The following ETNK2 variants were observed in gnomAD, a reference collection of about 807,000 sequenced individuals.
ETNK2 encodes the protein ethanolamine kinase-like protein.
In ETNK2, 33 loss-of-function variants were observed where a neutral mutation model predicts 46.2. The ratio of observed to expected loss-of-function variants is 0.71; its 90% confidence interval spans 0.54 to 0.96. The LOEUF (loss-of-function observed/expected upper bound fraction) is 0.96, where lower values mean the gene tolerates loss of function less well. Among genes scored for constraint, ETNK2 ranks in the 40% least tolerant of loss-of-function variants. The probability of loss-of-function intolerance (pLI) is 0.00; values close to 1 mark genes in which losing one functional copy is unlikely to be tolerated. For missense variants in ETNK2, 445 were observed against 509.7 expected (o/e 0.87, Z 1.22); for synonymous variants, 194 against 209.0 (o/e 0.93, Z 0.62).
chr1:204,150,766 C>T (rs561528235), intron 1 of ETNK2, among the ~76,000 whole-genome samples: 41 of 152,272 alleles, frequency 2.7e-4, no homozygotes, highest in Middle Eastern at 3.4e-3. Flanking sequence ...ATTTTGAAAA[C>T]GCTACTCCAT....
At chr1:204,142,821 C>T (rs1657611105) in intron 3 of ETNK2, 1 of 152,176 alleles carries the variant, frequency 6.6e-6, no homozygotes, top group Non-Finnish European at 1.5e-5. Flanking sequence ...GACAGGGTCC[C>T]TTCCAGGCTT....
Position 204,146,642 on chromosome 1 carries a change from C to T in ETNK2, c.641G>A (p.Ser214Asn). 6.2e-7 allele frequency: 1 copy of T among 1,613,826 alleles called. No homozygotes were observed. Among genetic ancestry groups the T allele is most frequent in the Non-Finnish European group, 8.5e-7 (1 of 1,179,872 alleles). ...FTLVKNEINPSLSADVPKVEV... is the reference protein window; with the variant it reads ...FTLVKNEINPNLSADVPKVEV... ...CTTGGACCCTCCCAGATCTTTGTACCTGGGGTTGATCTCGTTCTTCACAAG... is the reference window on the plus strand; with the variant it reads ...CTTGGACCCTCCCAGATCTTTGTACTTGGGGTTGATCTCGTTCTTCACAAG... Residue 214 changes from serine to asparagine, a missense_variant and splice_region_variant, in exon 3 of 8, where the codon AGC (serine) becomes AAC (asparagine). Transcript: ENST00000367202.
Position 204,151,713 on chromosome 1 carries a change from C to G in ETNK2, c.140G>C (p.Arg47Thr), listed in dbSNP as rs749741774. The G allele has an allele frequency of 2.6e-6, 4 of 1,542,918 alleles. No individual in the cohort carries two copies. Residue 47 changes from arginine to threonine, a missense_variant, in exon 1 of 8, where the codon AGG (arginine) becomes ACG (threonine). By Grantham distance (71) the Arg-to-Thr change is moderately conservative. Transcript: ENST00000367202. The surrounding 1 kb of genome is among the most constrained non-coding windows in gnomAD (Gnocchi z 8.0). ...GCCGAAGTACGCGACGGCGGCGGCCCTCGGGGGGCCCGGCGGCTCCCGGCA... is the reference window on the plus strand; with the variant it reads ...GCCGAAGTACGCGACGGCGGCGGCCGTCGGGGGGCCCGGCGGCTCCCGGCA... The part of the protein sequence containing the change: ...ASCREPPGPP[R>T]AAAVAYFGIS...
At position 204,131,238 on chromosome 1, in the gene ETNK2, C is replaced by T. The variant is rs1365255117; in HGVS notation, c.*946G>A. 6.6e-6 allele frequency: 1 copy of T among 152,458 alleles called. No homozygotes were observed. Among genetic ancestry groups the T allele is most frequent in the Non-Finnish European group, 1.5e-5 (1 of 68,160 alleles). 9.4% of individuals were successfully genotyped at this position (152,458 alleles called of 1,614,324 possible). On this transcript the variant is annotated 3_prime_UTR_variant, in exon 8 of 8. Coordinates refer to ENST00000367202, the MANE Select transcript of ETNK2 (RefSeq NM_018208.4). This position sits in a 1 kb window ranked among gnomAD's most constrained non-coding sequence, Gnocchi z 4.3. The stretch of plus-strand genomic sequence containing the variant: ...CCTTTCTGATGGGATCCTGCCCAGG[C>T]TCTCCCACGATAGGCCCTGGGGGGC...
In ETNK2 at chr1:204,141,330, A is replaced by G; in HGVS notation, c.769T>C (p.Tyr257His). Residue 257 changes from tyrosine to histidine, a missense_variant, in exon 4 of 8, where the codon TAT becomes CAT. Coordinates refer to ENST00000367202, the MANE Select transcript of ETNK2 (RefSeq NM_018208.4). ...HNDLLCKNII[Y>H]DSIKGHVRFI... ...GAAGCCATACCTTTGATGCTGTCAT[A>G]GATGATATTCTTGCAGAGCAGGTCA... 6.2e-7 allele frequency: 1 copy of G among 1,614,054 alleles called. No homozygotes were observed. The highest frequency in any genetic ancestry group is 8.5e-7 in the Non-Finnish European group (1 of 1,179,898).
At chr1:204,141,929 A>G (rs1438238580) in intron 3 of ETNK2, 1 of 160,634 alleles carries the variant, frequency 6.2e-6, no homozygotes, top group Non-Finnish European at 1.4e-5. Context: ...CCCTAAGTCG[A>G]GCTGACTCCC....
chr1:204,142,117 C>T (rs1657574318), intron 3 of ETNK2: 1 of 152,696 alleles, frequency 6.5e-6, no homozygotes, highest in Non-Finnish European at 1.5e-5. Flanking sequence ...ATCTCACAAA[C>T]AGACCATCGG....
rs746465912 is a variant in ETNK2, at chr1:204,141,435, C to T, written c.664G>A (p.Val222Ile). The T allele has an allele frequency of 3.2e-5, 51 of 1,602,464 alleles. No homozygotes were observed. Among genetic ancestry groups the T allele is most frequent in the Admixed American group, 7.0e-5 (4 of 57,366 alleles). ...NPSLSADVPKVEVLERELAWL... is the reference protein window; with the variant it reads ...NPSLSADVPKIEVLERELAWL... ...GCCAGCTCCCGTTCCAACACCTCTA[C>T]CTTAGGGACATCTGCAGAAAGGCTG... is the stretch of plus-strand genomic sequence containing the variant. Residue 222 changes from valine (V) to isoleucine (I), a missense_variant, in exon 4 of 8, where the codon GTA becomes ATA. Val to Ile is a conservative substitution (Grantham distance 29, BLOSUM62 3). Transcript: ENST00000367202.
intron 6 of ETNK2, among the ~76,000 whole-genome samples, chr1:204,134,958 G>T (rs1214150152): frequency 6.6e-6 from 1 of 152,252 alleles, no homozygotes; most frequent in South Asian, 2.1e-4. Context: ...CAAGGCCAAG[G>T]TAGGATCCAG....
At chr1:204,141,797 G>C (rs1020418999) in intron 3 of ETNK2, 2 of 267,932 alleles carry the variant, frequency 7.5e-6, no homozygotes, top group African/African-American at 4.4e-5. Flanking sequence ...AGGCAGGTGA[G>C]AACGAGTGTC....
At position 204,131,968 on chromosome 1, in the gene ETNK2, C is replaced by A; in HGVS notation, c.*216G>T. The A allele has an allele frequency of 1.1e-5, 6 of 570,206 alleles. No individual in the cohort carries two copies. Among genetic ancestry groups the A allele is most frequent in the South Asian group, 4.3e-5 (2 of 46,604 alleles). The allele number at this position is 570,206 out of a possible 1,614,324, so 35.3% of individuals were successfully genotyped here. ...CCCAAGCCTGGTGGGGTGAAGGGGA[C>A]CCCCGGAAGGGGGTCCTATCAGCCC... On this transcript the variant is annotated 3_prime_UTR_variant, in exon 8 of 8. Coordinates refer to ENST00000367202, the MANE Select transcript of ETNK2 (RefSeq NM_018208.4). The surrounding 1 kb of genome is among the most constrained non-coding windows in gnomAD (Gnocchi z 4.3).
intron 6 of ETNK2, among the ~76,000 whole-genome samples, chr1:204,136,335 G>A (rs1285085068): frequency 6.6e-6 from 1 of 151,686 alleles, no homozygotes; most frequent in Admixed American, 6.6e-5. Context: ...GTTTCAGGCT[G>A]CAGTGAGCTA....
Position 204,151,364 on chromosome 1 carries a change from C to T in ETNK2, c.258+231G>A. 3.3e-6 allele frequency: 2 copies of T among 614,722 alleles called. No homozygotes were observed. Among genetic ancestry groups the T allele is most frequent in the South Asian group, 2.1e-5 (1 of 48,620 alleles). 38.1% of individuals were successfully genotyped at this position (614,722 alleles called of 1,614,324 possible). On this transcript the variant is annotated intron_variant, in intron 1 of 7. Transcript: ENST00000367202. The surrounding 1 kb of genome is among the most constrained non-coding windows in gnomAD (Gnocchi z 8.0). ...CGACAGTGGGCAGGTGGCCACCAGG[C>T]GTGCCTAAGAGCCCCGGGAGGAGGG...
chr1:204,147,698 G>A (rs1657845118), intron 2 of ETNK2: 1 of 407,812 alleles, frequency 2.5e-6, no homozygotes, highest in Non-Finnish European at 4.9e-6. Context: ...AGCTGTTCAA[G>A]GGGTATCCTT....
rs747496173 is a variant in ETNK2 at position 204,134,546 on chromosome 1, G to C, written c.1057C>G (p.Gln353Glu). The C allele has an allele frequency of 4.3e-5, 69 of 1,613,888 alleles. No individual in the cohort carries two copies. The highest frequency in any genetic ancestry group is 5.8e-5 in the Non-Finnish European group (68 of 1,179,896). ...FWALWALIQN[Q>E]YSTIDFDFLR... ...AAATCAAAGTCGATGGTGGAGTACT[G>C]GTTCTGGATGAGGGCCCAGAGAGCC... The change falls in exon 7 of 8, where the codon CAG becomes GAG. Residue 353 changes from glutamine (Q) to glutamate (E), a missense_variant. Physicochemically the swap from Gln to Glu is conservative, Grantham distance 29. Transcript: ENST00000367202.
In ETNK2 at chr1:204,149,750, C is replaced by T. The variant is rs373432247; in HGVS notation, c.471G>A (p.Gln157=). 10 of 1,603,422 alleles carry T rather than the reference C, an allele frequency of 6.2e-6. No homozygotes were observed. The highest frequency in any genetic ancestry group is 1.7e-5 in the Admixed American group (1 of 58,742). ...TGTGCTCAGGCTCCAGGGCCACACC[C>T]TGCATGTACTCATAGCACAGCCCAT... ...FQNGLCYEYM[Q]GVALEPEHIR... is the part of the protein sequence containing the mutation. Residue 157 remains glutamine (Q), a synonymous_variant, in exon 2 of 8, where the codon CAG becomes CAA. Coordinates refer to ENST00000367202, the MANE Select transcript of ETNK2 (RefSeq NM_018208.4).
intron 6 of ETNK2, 186 bp from the exon 7 acceptor site, chr1:204,134,774 C>G (rs1657218819): frequency 7.4e-7 from 1 of 1,349,260 alleles, no homozygotes; most frequent in Non-Finnish European, 1.0e-6. Flanking sequence ...CATTTGGCGC[C>G]TCCACTCCTG....
rs934403564 is a variant in ETNK2, at chr1:204,151,986, C to T, written c.-134G>A. On this transcript the variant is annotated 5_prime_UTR_variant, in exon 1 of 8. Transcript: ENST00000367202. This position sits in a 1 kb window ranked among gnomAD's most constrained non-coding sequence, Gnocchi z 8.0. Reference sequence around the variant, plus strand: ...AGGCGCGAGCTGCCCGCTTCGATCGCCGGCTCGCGGCCCGCCGCCCACCGC... The same window carrying T: ...AGGCGCGAGCTGCCCGCTTCGATCGTCGGCTCGCGGCCCGCCGCCCACCGC... 9 of 975,804 alleles carry T rather than the reference C, an allele frequency of 9.2e-6. No individual in the cohort carries two copies. The highest frequency in any genetic ancestry group is 5.1e-5 in the African/African-American group (3 of 58,990). The allele number at this position is 975,804 out of a possible 1,614,324, so 60.4% of individuals were successfully genotyped here.
intron 7 of ETNK2, among the ~76,000 whole-genome samples, chr1:204,133,170 C>T (rs1478514970): frequency 6.6e-6 from 1 of 152,092 alleles, no homozygotes; most frequent in Non-Finnish European, 1.5e-5. Flanking sequence ...AGCTGGGTTG[C>T]TTCCATCTCT....
Sources: allele counts gnomAD v4.1 joint callset (sites outside exome capture counted in the v4.1 genomes callset), GRCh38; gene constraint gnomAD v4.1.1; non-coding constraint Gnocchi (gnomAD v3.1); transcripts MANE v1.5; gene names NCBI Gene and HGNC (gene_info 2026-07-23, HGNC 2026-07-21).